Variants in RBBP4 observed in about 807,000 individuals in gnomAD.
RBBP4 encodes RB binding protein 4, chromatin remodeling factor.
In RBBP4, 3 loss-of-function variants were observed where a neutral mutation model predicts 57.2. That is an observed-to-expected ratio of 0.05 (90% CI 0.02 to 0.14). The LOEUF (loss-of-function observed/expected upper bound fraction) is 0.14. Among genes scored for constraint, RBBP4 ranks in the 10% least tolerant of loss-of-function variants. RBBP4 has a pLI of 1.00. For missense variants in RBBP4, 107 were observed against 520.6 expected, an observed-to-expected ratio of 0.21 and a Z score of 7.73; for synonymous variants, 151 against 171.5, an observed-to-expected ratio of 0.88 and a Z score of 0.93.
chr1:32,673,904 C>T (rs1648985675), intron 11 of RBBP4, among the ~76,000 whole-genome samples: 2 of 151,978 alleles, frequency 1.3e-5, no homozygotes, highest in African/African-American at 4.8e-5. Flanking sequence ...CGAGACCATC[C>T]TGGCTAACAC....
chr1:32,666,610 G>A (rs1191007588), intron 3 of RBBP4, among the ~76,000 whole-genome samples: 1 of 152,174 alleles, frequency 6.6e-6, no homozygotes, highest in African/African-American at 2.4e-5. Context: ...GCCCGCTTCA[G>A]CCTCCCAAAG....
In RBBP4 at chr1:32,686,108, G is replaced by C. The variant is rs776134450; in HGVS notation, c.*6403G>C. 2 of 152,218 alleles carry C rather than the reference G, an allele frequency of 1.3e-5. No individual in the cohort carries two copies. Among genetic ancestry groups the C allele is most frequent in the Non-Finnish European group, 2.9e-5 (2 of 68,044 alleles). The allele number at this position is 152,218 out of a possible 1,614,324, so 9.4% of individuals were successfully genotyped here. ...TAATGTAAGTGTAAAATACACAGCAGATTTCTAAGACAGCACACAAAATGT... is the reference window on the plus strand; with the variant it reads ...TAATGTAAGTGTAAAATACACAGCACATTTCTAAGACAGCACACAAAATGT... On this transcript the variant is annotated 3_prime_UTR_variant, in exon 12 of 12. Transcript: ENST00000373493.
At chr1:32,654,838 C>T (rs193050245) in intron 2 of RBBP4, among the ~76,000 whole-genome samples, 1 of 152,238 alleles carries the variant, frequency 6.6e-6, no homozygotes, top group Admixed American at 6.5e-5. Context: ...GGATTACAGG[C>T]ACCCGCCACC....
At chr1:32,664,640 A>T (rs1172658967) in intron 3 of RBBP4, among the ~76,000 whole-genome samples, 3 of 152,038 alleles carry the variant, frequency 2.0e-5, no homozygotes, top group Non-Finnish European at 2.9e-5. Context: ...TTTAGTAGAG[A>T]TGAGGTTTCA....
At position 32,679,523 on chromosome 1, in the gene RBBP4, T is replaced by C. The variant is rs1262924854; in HGVS notation, c.1213-117T>C. 1.7e-5 allele frequency: 14 copies of C among 843,772 alleles called. No individual in the cohort carries two copies. In the East Asian group the frequency reaches 4.0e-4, roughly 24 times the overall value. The allele number at this position is 843,772 out of a possible 1,614,324, so 52.3% of individuals were successfully genotyped here. A position where few individuals can be genotyped will look rare whatever the true frequency, so the allele number is the denominator to read the frequency against. On this transcript the variant is annotated intron_variant, in intron 11 of 11. Transcript: ENST00000373493. ...AGTTGAATAGTTGTAACACAGATTG[T>C]GTGGCCCAAAAGCTATAAAGTATTT... is the stretch of plus-strand genomic sequence containing the variant.
In RBBP4 at chr1:32,653,637, G is replaced by GTTTTTTTTGTTTTTTTTTTTTTTTT. The variant is rs1557849770; in HGVS notation, c.164+1584_164+1585insGTTTTTTTTTTTTTTTTTTTTTTTT. Among the ~76,000 whole-genome samples the GTTTTTTTTGTTTTTTTTTTTTTTTT allele has an allele frequency of 5.8e-4, 12 of 20,780 alleles. 3 individuals are homozygous for GTTTTTTTTGTTTTTTTTTTTTTTTT. Among genetic ancestry groups the GTTTTTTTTGTTTTTTTTTTTTTTTT allele is most frequent in the Non-Finnish European group, 8.7e-4 (5 of 5,732 alleles). The allele number at this position is 20,780 out of a possible 152,430, so 13.6% of individuals were successfully genotyped here. On this transcript the variant is annotated intron_variant, in intron 2 of 11. Coordinates refer to ENST00000373493, the MANE Select transcript of RBBP4 (RefSeq NM_005610.3). ...TGCTTTGTGTGTTTTTTGTTTTCTG[G>GTTTTTTTTGTTTTTTTTTTTTTTTT]TTTTTTTTTTTTTTTTTTTTTTGTT...
intron 4 of RBBP4, 66 bp from the exon 5 acceptor site, chr1:32,668,673 C>A (rs1648753091): frequency 7.7e-7 from 1 of 1,304,952 alleles, no homozygotes; most frequent in Non-Finnish European, 1.1e-6. Context: ...ACCAAAATTC[C>A]ATTATGCTCA....
rs1648749999 is a variant in RBBP4 at position 32,668,606 on chromosome 1, A to G, written c.485-133A>G. On this transcript the variant is annotated intron_variant, in intron 4 of 11. Coordinates refer to ENST00000373493, the MANE Select transcript of RBBP4 (RefSeq NM_005610.3). Reference sequence around the variant, plus strand: ...TACTGGTGCTGTTTAAGCATTATCTATTTGATCATAACGGTTCCTATATCA... The same window carrying G: ...TACTGGTGCTGTTTAAGCATTATCTGTTTGATCATAACGGTTCCTATATCA... 4 of 858,212 alleles carry G rather than the reference A, an allele frequency of 4.7e-6. No homozygotes were observed. The East Asian group carries it at 7.9e-5, about 17-fold the overall frequency. The allele number at this position is 858,212 out of a possible 1,614,324, so 53.2% of individuals were successfully genotyped here.
intron 3 of RBBP4, among the ~76,000 whole-genome samples, chr1:32,663,242 T>C (rs1042826367): frequency 2.6e-5 from 4 of 152,080 alleles, no homozygotes; most frequent in African/African-American, 9.7e-5. Context: ...CATACATATA[T>C]AAAAATTCAT....
At position 32,683,264 on chromosome 1, in the gene RBBP4, CAAAAAAAAAAAA is replaced by C. The variant is rs35935907; in HGVS notation, c.*3569_*3580del. Reference sequence around the variant, plus strand: ...CTGGCAACAGAGCAAGACTCCGTCTCAAAAAAAAAAAAAAAAAAAAAGAGTAAGTCTGTGTAA... The same window carrying C: ...CTGGCAACAGAGCAAGACTCCGTCTCAAAAAAAAAGAGTAAGTCTGTGTAA... On this transcript the variant is annotated 3_prime_UTR_variant, in exon 12 of 12. Coordinates refer to ENST00000373493, the MANE Select transcript of RBBP4 (RefSeq NM_005610.3). The C allele has an allele frequency of 2.2e-5, 2 of 89,240 alleles. No homozygotes were observed. Among genetic ancestry groups the C allele is most frequent in the African/African-American group, 7.9e-5 (2 of 25,400 alleles). The allele number at this position is 89,240 out of a possible 1,614,324, so 5.5% of individuals were successfully genotyped here.
At chr1:32,653,640 TTTTTTTTTTTTTTTTTTTTG>T (rs1647995867) in intron 2 of RBBP4, among the ~76,000 whole-genome samples, 1 of 18,574 alleles carries the variant, frequency 5.4e-5, no homozygotes, top group Non-Finnish European at 1.8e-4. Flanking sequence ...TTTTCTGGTT[TTTTTTTTTTTTTTTTTTTTG>T]TTTTTGTTTT....
intron 3 of RBBP4, among the ~76,000 whole-genome samples, chr1:32,668,012 T>C (rs1006606845): frequency 7.9e-5 from 12 of 152,130 alleles, no homozygotes; most frequent in African/African-American, 2.4e-4. Flanking sequence ...CCCACTGATA[T>C]GGAGAGCTGA....
rs767652083 is a variant in RBBP4 at position 32,654,264 on chromosome 1, C to T, written c.164+2203C>T. On this transcript the variant is annotated intron_variant, in intron 2 of 11. Coordinates refer to ENST00000373493, the MANE Select transcript of RBBP4 (RefSeq NM_005610.3). Reference sequence around the variant, plus strand: ...TGGTGCGTACCTGTTAGTCCCAGCTCCTCAGTGGGGGCTGAGGCAGGAGGA... The same window carrying T: ...TGGTGCGTACCTGTTAGTCCCAGCTTCTCAGTGGGGGCTGAGGCAGGAGGA... Among the ~76,000 whole-genome samples, 15 of 152,062 alleles carry T rather than the reference C, an allele frequency of 9.9e-5. No homozygotes were observed. The South Asian group carries it at 2.5e-3, about 25-fold the overall frequency.
intron 3 of RBBP4, among the ~76,000 whole-genome samples, chr1:32,661,813 A>G (rs1570845925): frequency 1.1e-5 from 1 of 93,724 alleles, no homozygotes; most frequent in Admixed American, 1.1e-4. Context: ...TTTTTTTTTC[A>G]CATTCGTTGT....
In RBBP4 at chr1:32,680,309, T is replaced by G; in HGVS notation, c.*604T>G. On this transcript the variant is annotated 3_prime_UTR_variant, in exon 12 of 12. Transcript: ENST00000373493. ...TAGTGTATTTCTTGAGCTGTTTTCATGTTGTTTATTTCCTGTCTGTGAAAT... is the reference window on the plus strand; with the variant it reads ...TAGTGTATTTCTTGAGCTGTTTTCAGGTTGTTTATTTCCTGTCTGTGAAAT... 4 of 1,307,242 alleles carry G rather than the reference T, an allele frequency of 3.1e-6. No individual in the cohort carries two copies. Among genetic ancestry groups the G allele is most frequent in the East Asian group, 3.1e-5 (1 of 32,236 alleles). 81.0% of individuals were successfully genotyped at this position (1,307,242 alleles called of 1,614,324 possible).
intron 3 of RBBP4, among the ~76,000 whole-genome samples, chr1:32,664,126 TAC>T (rs1648544796): frequency 6.6e-6 from 1 of 151,962 alleles, no homozygotes; most frequent in Non-Finnish European, 1.5e-5. Context: ...GACGGGGTTT[TAC>T]CGTGTTAGCC....
At chr1:32,672,588 G>A in intron 9 of RBBP4, 54 bp from the exon 10 acceptor site, 1 of 1,599,160 alleles carries the variant, frequency 6.3e-7, no homozygotes, top group Non-Finnish European at 8.6e-7. Context: ...CTTTGCAAAG[G>A]TAGTTACTAA....
Position 32,669,400 on chromosome 1 carries a change from T to C in RBBP4, c.888+43T>C, listed in dbSNP as rs1414840158. On this transcript the variant is annotated intron_variant, in intron 7 of 11. Transcript: ENST00000373493. The surrounding 1 kb of genome is among the most constrained non-coding windows in gnomAD (Gnocchi z 4.9). ...TAATAGAAAACATAATTTCTCTAGG[T>C]TTTTTTGAATTGCAGAGATATTTTA... The C allele has an allele frequency of 6.4e-7, 1 of 1,562,668 alleles. No homozygotes were observed. Among genetic ancestry groups the C allele is most frequent in the South Asian group, 1.2e-5 (1 of 83,236 alleles).
chr1:32,681,904 G>A lies in RBBP4; in HGVS notation c.*2199G>A, dbSNP rs188388291. The A allele has an allele frequency of 5.8e-6, 9 of 1,543,610 alleles. No homozygotes were observed. In the African/African-American group the frequency reaches 1.2e-4, roughly 21 times the overall value. On this transcript the variant is annotated 3_prime_UTR_variant, in exon 12 of 12. Transcript: ENST00000373493. The stretch of plus-strand genomic sequence containing the variant: ...AAGTTTATAACAGTGAACTTCTGAG[G>A]TTTAGTTACTGCAGGCTTTGTTGAG...
Sources: allele counts gnomAD v4.1 joint callset (sites outside exome capture counted in the v4.1 genomes callset), GRCh38; gene constraint gnomAD v4.1.1; non-coding constraint Gnocchi (gnomAD v3.1); transcripts MANE v1.5; gene names NCBI Gene and HGNC (gene_info 2026-07-23, HGNC 2026-07-21).